The following NCBP1 variants were observed in gnomAD, a reference collection of about 807,000 sequenced individuals.
The protein encoded by NCBP1 is nuclear cap binding protein subunit 1.
A neutral mutation model predicts 111.7 loss-of-function variants in NCBP1; 16 were observed. That is an observed-to-expected ratio of 0.14 (90% CI 0.10 to 0.22). The LOEUF is 0.22. Among genes scored for constraint, NCBP1 ranks in the 10% least tolerant of loss-of-function variants. The probability of loss-of-function intolerance (pLI) is 1.00; values close to 1 mark genes in which losing one functional copy is unlikely to be tolerated. For missense variants in NCBP1, 607 were observed against 957.5 expected (o/e 0.63, Z 4.83); for synonymous variants, 304 against 314.3 (o/e 0.97, Z 0.35).
chr9:97,660,102 C>T (rs1329798900), intron 15 of NCBP1, among the ~76,000 whole-genome samples: 4 of 152,126 alleles, frequency 2.6e-5, no homozygotes, highest in Non-Finnish European at 4.4e-5. Context: ...ATCTTGGTTC[C>T]CCAGCTAGAA....
chr9:97,652,699 G>T (rs1827532978), intron 10 of NCBP1, among the ~76,000 whole-genome samples: 1 of 152,162 alleles, frequency 6.6e-6, no homozygotes, highest in African/African-American at 2.4e-5. Flanking sequence ...GAGCTAGCTG[G>T]GCCTGATAGG....
chr9:97,662,904 T>C, intron 17 of NCBP1, 50 bp from the exon 18 acceptor site: 1 of 1,349,044 alleles, frequency 7.4e-7, no homozygotes, highest in South Asian at 1.3e-5. Flanking sequence ...AACACTAAAA[T>C]GTTTAATGAA....
intron 1 of NCBP1, among the ~76,000 whole-genome samples, chr9:97,636,523 TTATA>T (rs992912510): frequency 2.1e-5 from 3 of 144,614 alleles, no homozygotes; most frequent in Non-Finnish European, 3.0e-5. Flanking sequence ...AAATTTATAT[TTATA>T]TATTATATAA....
At chr9:97,646,697 C>T (rs186229813) in intron 6 of NCBP1, among the ~76,000 whole-genome samples, 2 of 151,830 alleles carry the variant, frequency 1.3e-5, no homozygotes, top group East Asian at 1.9e-4. Flanking sequence ...ATTAGCCGAG[C>T]GTGGTGGTGG....
intron 10 of NCBP1, 148 bp from the exon 11 acceptor site, chr9:97,653,650 A>T: frequency 9.2e-6 from 5 of 543,048 alleles, no homozygotes; most frequent in Non-Finnish European, 9.4e-6. Flanking sequence ...TTTGTGTTTG[A>T]AAGAGCATAA....
intron 13 of NCBP1, 104 bp from the exon 14 acceptor site, chr9:97,655,907 T>A: frequency 7.4e-7 from 1 of 1,359,230 alleles, no homozygotes; most frequent in Non-Finnish European, 1.0e-6. Flanking sequence ...AATTATAACT[T>A]AACAAAACTT....
At chr9:97,667,153 C>G in intron 20 of NCBP1, among the ~76,000 whole-genome samples, 1 of 152,086 alleles carries the variant, frequency 6.6e-6, no homozygotes, top group Non-Finnish European at 1.5e-5. Context: ...CACGTTTGCA[C>G]AAGGGAAGTA....
At position 97,643,244 on chromosome 9, in the gene NCBP1, T is replaced by C; in HGVS notation, c.265T>C (p.Leu89=). The change falls in exon 4 of 23, where the codon TTA becomes CTA. Residue 89 remains leucine, a synonymous_variant. Coordinates refer to ENST00000375147, the MANE Select transcript of NCBP1 (RefSeq NM_002486.5). ...LPEKLTIYTT[L]VGLLNARNYN... ...TGAGAAGCTGACAATTTATACAACA[T>C]TAGTTGGACTACTGAATGCCAGGAA... 6.2e-7 allele frequency: 1 copy of C among 1,611,686 alleles called. No individual in the cohort carries two copies. The highest frequency in any genetic ancestry group is 8.5e-7 in the Non-Finnish European group (1 of 1,179,254).
intron 6 of NCBP1, 36 bp downstream of exon 6, chr9:97,645,768 G>A (rs1323234971): frequency 6.2e-7 from 1 of 1,605,526 alleles, no homozygotes; most frequent in Admixed American, 1.7e-5. Context: ...TTGTTGCTTA[G>A]GTAAAGGATA....
chr9:97,634,141 G>A (rs1284622586), intron 1 of NCBP1, among the ~76,000 whole-genome samples: 2 of 152,274 alleles, frequency 1.3e-5, no homozygotes, highest in Non-Finnish European at 2.9e-5. Context: ...CGGGAAAGAA[G>A]GCCTGGTGAA....
intron 1 of NCBP1, chr9:97,635,882 A>G (rs1190112639): frequency 6.6e-6 from 1 of 152,156 alleles, no homozygotes. Context: ...GAGAGAGGAA[A>G]TGTCATTGTA....
intron 1 of NCBP1, 51 bp from the exon 2 acceptor site, chr9:97,640,743 T>C: frequency 7.1e-7 from 1 of 1,402,068 alleles, no homozygotes; most frequent in Non-Finnish European, 9.9e-7. Flanking sequence ...AAATAAAATT[T>C]GTGATAGCAG....
At position 97,666,878 on chromosome 9, in the gene NCBP1, G is replaced by C; in HGVS notation, c.2016+1G>C. ...GAAACTTGCTAGGCAACACAAACGG[G>C]TAAGTTTTGTGTAAACTTGTAAGTA... On this transcript the variant is annotated splice_donor_variant, in intron 20 of 22. Coordinates refer to ENST00000375147, the MANE Select transcript of NCBP1 (RefSeq NM_002486.5). LOFTEE classifies it high-confidence loss of function. 6.3e-7 allele frequency: 1 copy of C among 1,582,184 alleles called. No individual in the cohort carries two copies. The highest frequency in any genetic ancestry group is 8.6e-7 in the Non-Finnish European group (1 of 1,162,486).
chr9:97,653,819 C>G lies in NCBP1; in HGVS notation c.1081C>G (p.Gln361Glu). ...IVEVIFAELF[Q>E]LPAPPHIDVM... is the part of the protein sequence containing the mutation. ...GTAGGTGATCTTTGCAGAGCTGTTT[C>G]AACTTCCAGCACCCCCTCACATTGA... is the stretch of plus-strand genomic sequence containing the variant. The change falls in exon 11 of 23, where the codon CAA becomes GAA. Residue 361 changes from glutamine (Q) to glutamate (E), a missense_variant. By Grantham distance (29) the Gln-to-Glu change is conservative. Transcript: ENST00000375147. The G allele has an allele frequency of 6.2e-7, 1 of 1,613,940 alleles. No homozygotes were observed. The highest frequency in any genetic ancestry group is 8.5e-7 in the Non-Finnish European group (1 of 1,179,916).
chr9:97,642,718 A>G (rs1163619111), intron 3 of NCBP1, among the ~76,000 whole-genome samples: 5 of 152,128 alleles, frequency 3.3e-5, no homozygotes, highest in Non-Finnish European at 7.4e-5. Context: ...TCTTTTCTAA[A>G]CAACTAGAAT....
intron 7 of NCBP1, 73 bp downstream of exon 7, chr9:97,647,634 T>G: frequency 8.0e-7 from 1 of 1,257,052 alleles, no homozygotes; most frequent in Non-Finnish European, 1.2e-6. Context: ...TGTAAGATAC[T>G]CAGACCATTC....
At chr9:97,655,092 A>C in intron 12 of NCBP1, 148 bp downstream of exon 12, 1 of 549,040 alleles carries the variant, frequency 1.8e-6, no homozygotes, top group Non-Finnish European at 3.0e-6. Context: ...AACCAGACTC[A>C]TACTTAATGT....
At position 97,641,742 on chromosome 9, in the gene NCBP1, A is replaced by G. The variant is rs1026970437; in HGVS notation, c.224+80A>G. On this transcript the variant is annotated intron_variant, in intron 3 of 22. Transcript: ENST00000375147. ...ATGCTTTGGGAAATGTTCAAAATAC[A>G]TGTTTATGTTCTATATGTCCTTGGC... The G allele has an allele frequency of 3.7e-6, 5 of 1,335,690 alleles. No homozygotes were observed. The African/African-American group carries it at 5.9e-5, about 16-fold the overall frequency. The allele number at this position is 1,335,690 out of a possible 1,614,324, so 82.7% of individuals were successfully genotyped here. A position where few individuals can be genotyped will look rare whatever the true frequency, so the allele number is the denominator to read the frequency against.
chr9:97,654,128 A>G (rs1275029230), intron 11 of NCBP1, among the ~76,000 whole-genome samples: 1 of 152,194 alleles, frequency 6.6e-6, no homozygotes, highest in Non-Finnish European at 1.5e-5. Context: ...GAGTTCAAAA[A>G]TAGACAACAA....
Sources: gnomAD v4.1 joint callset for allele counts (sites outside exome capture counted in the v4.1 genomes callset) on GRCh38, gnomAD v4.1.1 for gene constraint, MANE v1.5 for transcripts, NCBI Gene and HGNC (gene_info 2026-07-23, HGNC 2026-07-21) for gene names.